OPCML: variants seen among roughly 807,000 people sequenced by gnomAD.
The protein encoded by OPCML is opioid-binding protein/cell adhesion molecule.
OPCML carries 13 observed loss-of-function variants against 37.8 expected under a neutral mutation model. The ratio of observed to expected loss-of-function variants is 0.34; its 90% confidence interval spans 0.22 to 0.55. The LOEUF (loss-of-function observed/expected upper bound fraction) is 0.55. OPCML is among the 20% of genes least tolerant of loss of function. The pLI, the probability that OPCML is intolerant of heterozygous loss-of-function variation, is 0.91. For synonymous variants in OPCML, 176 were observed against 168.8 expected (o/e 1.04, Z -0.33); for missense variants, 341 against 435.6 (o/e 0.78, Z 1.93).
intron 1 of OPCML, among the ~76,000 whole-genome samples, chr11:133,262,944 A>G (rs2136460328): frequency 6.6e-6 from 1 of 152,014 alleles, no homozygotes; most frequent in East Asian, 2.0e-4. Flanking sequence ...AAATACCTAA[A>G]GAGAGCTGGG....
At chr11:133,291,075 T>C (rs980063517) in intron 1 of OPCML, among the ~76,000 whole-genome samples, 2 of 152,242 alleles carry the variant, frequency 1.3e-5, no homozygotes, top group Non-Finnish European at 2.9e-5. Context: ...CCTGCTTCGC[T>C]TGCATGTAAC....
intron 1 of OPCML, among the ~76,000 whole-genome samples, chr11:133,396,087 G>A (rs1425966180): frequency 2.0e-5 from 3 of 151,998 alleles, no homozygotes; most frequent in Non-Finnish European, 4.4e-5. Flanking sequence ...TTTCATAGTA[G>A]AGAGCTTTCA....
rs2136280350 is a variant in OPCML at position 133,177,843 on chromosome 11, G to C, written c.62-234833C>G. 6.6e-6 allele frequency among the ~76,000 whole-genome samples: 1 copy of C among 152,304 alleles called. No individual in the cohort carries two copies. Among genetic ancestry groups the C allele is most frequent in the South Asian group, 2.1e-4 (1 of 4,830 alleles). On this transcript the variant is annotated intron_variant, in intron 1 of 7. Transcript: ENST00000524381. The surrounding 1 kb of genome is among the most constrained non-coding windows in gnomAD (Gnocchi z 5.0). Reference sequence around the variant, plus strand: ...TAAACATTCAAGATCACTTACTGCAGACTTTCATTTACTTCATGAGGAAGA... The same window carrying C: ...TAAACATTCAAGATCACTTACTGCACACTTTCATTTACTTCATGAGGAAGA...
chr11:133,004,169 C>T (rs994339417), intron 1 of OPCML: 2 of 985,328 alleles, frequency 2.0e-6, no homozygotes, highest in Non-Finnish European at 2.4e-6. Flanking sequence ...GGTCTCACTC[C>T]TCTGCCGTCT....
intron 3 of OPCML, among the ~76,000 whole-genome samples, chr11:132,536,447 C>T (rs1449967938): frequency 6.6e-6 from 1 of 152,086 alleles, no homozygotes; most frequent in African/African-American, 2.4e-5. Context: ...AAAATATTTG[C>T]ATCACAGAGA....
At chr11:132,467,466 GTACAACTC>G (rs1219140588) in intron 4 of OPCML, among the ~76,000 whole-genome samples, 6 of 152,200 alleles carry the variant, frequency 3.9e-5, no homozygotes, top group African/African-American at 1.2e-4. Flanking sequence ...CAAATTGTCT[GTACAACTC>G]ATTTTGCCCC....
chr11:133,035,457 T>TA (rs1192037364), intron 1 of OPCML, among the ~76,000 whole-genome samples: 11 of 152,088 alleles, frequency 7.2e-5, no homozygotes, highest in African/African-American at 2.4e-4. Context: ...ACTCCTCACA[T>TA]AAAAAAGGCT....
At chr11:133,511,776 G>A (rs1437068264) in intron 1 of OPCML, among the ~76,000 whole-genome samples, 1 of 150,896 alleles carries the variant, frequency 6.6e-6, no homozygotes, top group East Asian at 1.9e-4. Flanking sequence ...TGCTATGTTT[G>A]TTGTGTATTA....
Position 133,141,588 on chromosome 11 carries a change from ATATCTT to A in OPCML, c.62-198584_62-198579del, listed in dbSNP as rs1210145238. Among the ~76,000 whole-genome samples, 4 of 152,026 alleles carry A rather than the reference ATATCTT, an allele frequency of 2.6e-5. No homozygotes were observed. In the East Asian group the frequency reaches 7.8e-4, roughly 30 times the overall value. On this transcript the variant is annotated intron_variant, in intron 1 of 7. Transcript: ENST00000524381. ...TGTCGCTTTCACACAGATGCTTCCC[ATATCTT>A]TATTGAATCTCACCTTTCTCCTGCC...
intron 2 of OPCML, among the ~76,000 whole-genome samples, chr11:132,885,346 C>G (rs1443017444): frequency 6.6e-6 from 1 of 152,202 alleles, no homozygotes; most frequent in Non-Finnish European, 1.5e-5. Context: ...TCTTGCCAAT[C>G]ACCATTCTCT....
chr11:132,458,959 A>G (rs1053091383), intron 4 of OPCML, among the ~76,000 whole-genome samples: 1 of 152,188 alleles, frequency 6.6e-6, no homozygotes, highest in Non-Finnish European at 1.5e-5. Context: ...TGTACACCAA[A>G]ACTCAACAAA....
intron 2 of OPCML, among the ~76,000 whole-genome samples, chr11:132,924,569 C>T (rs545981845): frequency 2.0e-5 from 3 of 152,162 alleles, no homozygotes; most frequent in Admixed American, 6.5e-5. Flanking sequence ...ATATTTCACC[C>T]TGCTCTTTTC....
chr11:132,563,814 A>G (rs568765549), intron 3 of OPCML, among the ~76,000 whole-genome samples: 1 of 152,268 alleles, frequency 6.6e-6, no homozygotes, highest in East Asian at 1.9e-4. Context: ...AACAACAAAA[A>G]AACAGAAAAA....
At chr11:132,774,928 G>A (rs899759227) in intron 2 of OPCML, among the ~76,000 whole-genome samples, 1 of 152,202 alleles carries the variant, frequency 6.6e-6, no homozygotes, top group African/African-American at 2.4e-5. Flanking sequence ...GAGGGTGAGA[G>A]CCATATCATG....
rs114761870 is a variant in OPCML at position 132,790,733 on chromosome 11, C to T, written c.147-133414G>A. On this transcript the variant is annotated intron_variant, in intron 2 of 7. Transcript: ENST00000524381. ...TAGGAAAGGTCTGTTTCCATCTCTT[C>T]GGGTGGAGGCACATGCACACACCTG... 2.6e-3 allele frequency among the ~76,000 whole-genome samples: 401 copies of T among 152,310 alleles called. 4 individuals are homozygous for T. The highest frequency in any genetic ancestry group is 9.0e-3 in the African/African-American group (374 of 41,564).
chr11:132,669,580 G>A (rs1307761361), intron 2 of OPCML, among the ~76,000 whole-genome samples: 2 of 152,154 alleles, frequency 1.3e-5, no homozygotes, highest in Non-Finnish European at 2.9e-5. Context: ...CAAGCTGCTC[G>A]GGTATTGTCA....
intron 2 of OPCML, among the ~76,000 whole-genome samples, chr11:132,862,533 T>C (rs551257468): frequency 6.6e-6 from 1 of 150,398 alleles, no homozygotes; most frequent in East Asian, 2.0e-4. Context: ...TGGCATCTCA[T>C]AGGTCAAACT....
At chr11:132,923,630 C>G (rs1481899831) in intron 2 of OPCML, among the ~76,000 whole-genome samples, 2 of 152,086 alleles carry the variant, frequency 1.3e-5, no homozygotes, top group African/African-American at 4.8e-5. Flanking sequence ...CAAATATATA[C>G]ATGTCTGATT....
At chr11:132,739,997 T>C (rs1945386043) in intron 2 of OPCML, among the ~76,000 whole-genome samples, 1 of 152,034 alleles carries the variant, frequency 6.6e-6, no homozygotes, top group African/African-American at 2.4e-5. Flanking sequence ...TCTATCTGTT[T>C]CCCCCACCCT....
Sources: allele counts gnomAD v4.1 joint callset (sites outside exome capture counted in the v4.1 genomes callset), GRCh38; gene constraint gnomAD v4.1.1; non-coding constraint Gnocchi (gnomAD v3.1); transcripts MANE v1.5; gene names NCBI Gene and HGNC (gene_info 2026-07-23, HGNC 2026-07-21).